HPCAL1: variants seen among roughly 807,000 people sequenced by gnomAD.
HPCAL1 encodes the protein hippocalcin like 1.
A neutral mutation model predicts 17.1 loss-of-function variants in HPCAL1; 8 were observed. The observed-to-expected ratio is 0.47, with a 90% CI of 0.27 to 0.84. The LOEUF (loss-of-function observed/expected upper bound fraction) is 0.84. Among genes scored for constraint, HPCAL1 ranks in the 40% least tolerant of loss-of-function variants. HPCAL1 has a pLI of 0.13. For missense variants in HPCAL1, 165 were observed against 271.1 expected, an observed-to-expected ratio of 0.61 and a Z score of 2.75; for synonymous variants, 112 against 111.4, an observed-to-expected ratio of 1.01 and a Z score of -0.03.
At chr2:10,424,506 G>A (rs1204758490) in intron 4 of HPCAL1, 2 of 471,006 alleles carry the variant, frequency 4.2e-6, no homozygotes, top group Admixed American at 2.3e-5. Flanking sequence ...AATAATGGCT[G>A]TTGTTCCCAA....
chr2:10,361,552 A>G lies in HPCAL1; in HGVS notation c.-110-35283A>G, dbSNP rs1456493084. 2.0e-5 allele frequency among the ~76,000 whole-genome samples: 3 copies of G among 152,196 alleles called. No homozygotes were observed. In the East Asian group the frequency reaches 5.8e-4, roughly 29 times the overall value. ...TAAACTGATTTCCTCAGCCATGTAC[A>G]CAGGTGTGAAAGCCCTTCTTATGTT... On this transcript the variant is annotated intron_variant, in intron 1 of 4. Transcript: ENST00000307845.
In HPCAL1 at chr2:10,336,155, G is replaced by A. The variant is rs550441524; in HGVS notation, c.-111+32978G>A. On this transcript the variant is annotated intron_variant, in intron 1 of 4. Coordinates refer to ENST00000307845, the MANE Select transcript of HPCAL1 (RefSeq NM_002149.4). ...ATCCTCTGCTGTAAATTAATTGCAT[G>A]TTCGTATCCTCTGCTGTAAATTAAT... 1.3e-4 allele frequency among the ~76,000 whole-genome samples: 19 copies of A among 149,044 alleles called. No homozygotes were observed. In the South Asian group the frequency reaches 3.5e-3, roughly 27 times the overall value.
At chr2:10,349,702 C>CAAAAAAAAAAAAAAAAAAAAAAAAA (rs55897775) in intron 1 of HPCAL1, among the ~76,000 whole-genome samples, 1 of 52,730 alleles carries the variant, frequency 1.9e-5, no homozygotes, top group Admixed American at 2.1e-4. Context: ...GACTCTGTCT[C>CAAAAAAAAAAAAAAAAAAAAAAAAA]AAAAAAAAAA....
At chr2:10,409,776 TC>T (rs1670215824) in intron 2 of HPCAL1, among the ~76,000 whole-genome samples, 5 of 96,676 alleles carry the variant, frequency 5.2e-5, no homozygotes, top group Admixed American at 1.3e-4. Flanking sequence ...TGAGCCTCAG[TC>T]TTTTTTTTTT....
chr2:10,366,062 G>C (rs117414115), intron 1 of HPCAL1, among the ~76,000 whole-genome samples: 1 of 152,046 alleles, frequency 6.6e-6, no homozygotes, highest in African/African-American at 2.4e-5. Context: ...ATATTTATTC[G>C]TGGTTGCCGC....
chr2:10,330,775 C>T lies in HPCAL1; in HGVS notation c.-111+27598C>T, dbSNP rs981447663. ...CCACATAGGGGTTTTGTGGGGGACA[C>T]ACTCAGTCCACGTTAACTCACTTCC... On this transcript the variant is annotated intron_variant, in intron 1 of 4. Coordinates refer to ENST00000307845, the MANE Select transcript of HPCAL1 (RefSeq NM_002149.4). This position sits in a 1 kb window ranked among gnomAD's most constrained non-coding sequence, Gnocchi z 4.2. Among the ~76,000 whole-genome samples, 2 of 152,218 alleles carry T rather than the reference C, an allele frequency of 1.3e-5. No homozygotes were observed. The highest frequency in any genetic ancestry group is 4.8e-5 in the African/African-American group (2 of 41,456).
At chr2:10,389,050 C>G (rs1299455541) in intron 1 of HPCAL1, among the ~76,000 whole-genome samples, 1 of 152,120 alleles carries the variant, frequency 6.6e-6, no homozygotes, top group Non-Finnish European at 1.5e-5. Context: ...GACACCAGAC[C>G]AAATTGAGGA....
intron 2 of HPCAL1, among the ~76,000 whole-genome samples, chr2:10,403,452 TTTTGTGTGTGTGTG>T (rs1289203433): frequency 0.059 from 8,473 of 144,342 alleles, 630 homozygotes; most frequent in African/African-American, 0.15. Context: ...CAAAGAGTTC[TTTTGTGTGTGTGTG>T]TGTGTGTGTG....
At position 10,367,757 on chromosome 2, in the gene HPCAL1, G is replaced by A. The variant is rs1437707689; in HGVS notation, c.-110-29078G>A. Among the ~76,000 whole-genome samples the A allele has an allele frequency of 6.6e-6, 1 of 152,118 alleles. No individual in the cohort carries two copies. Among genetic ancestry groups the A allele is most frequent in the Non-Finnish European group, 1.5e-5 (1 of 68,026 alleles). ...GTGTGAGCCCTGTGCTGGAGTGGAG[G>A]GTGACAGAGCTTCGGACATGAGCAG... is the stretch of plus-strand genomic sequence containing the variant. On this transcript the variant is annotated intron_variant, in intron 1 of 4. Transcript: ENST00000307845. The surrounding 1 kb of genome is among the most constrained non-coding windows in gnomAD (Gnocchi z 4.4).
intron 1 of HPCAL1, among the ~76,000 whole-genome samples, chr2:10,380,844 G>A (rs147623281): frequency 1.8e-4 from 27 of 152,312 alleles, no homozygotes; most frequent in African/African-American, 6.5e-4. Context: ...ATCACACTGC[G>A]GGTTCCTTGA....
intron 1 of HPCAL1, among the ~76,000 whole-genome samples, chr2:10,313,884 G>C (rs993156773): frequency 6.6e-6 from 1 of 152,218 alleles, no homozygotes. Flanking sequence ...TGTAATCCCA[G>C]CACTTTGGGA....
In HPCAL1 at chr2:10,304,465, G is replaced by A. The variant is rs1403812853; in HGVS notation, c.-111+1288G>A. 1.3e-5 allele frequency among the ~76,000 whole-genome samples: 2 copies of A among 152,048 alleles called. No homozygotes were observed. The highest frequency in any genetic ancestry group is 2.1e-4 in the South Asian group (1 of 4,820). Reference sequence around the variant, plus strand: ...GCCAGGGACGCCGAGTCCAGCTGCTGGCCTCGGCATTAGACAACCCCCAGC... The same window carrying A: ...GCCAGGGACGCCGAGTCCAGCTGCTAGCCTCGGCATTAGACAACCCCCAGC... On this transcript the variant is annotated intron_variant, in intron 1 of 4. Coordinates refer to ENST00000307845, the MANE Select transcript of HPCAL1 (RefSeq NM_002149.4). The surrounding 1 kb of genome is among the most constrained non-coding windows in gnomAD (Gnocchi z 4.1).
At chr2:10,322,015 T>A (rs2125403915) in intron 1 of HPCAL1, among the ~76,000 whole-genome samples, 1 of 152,302 alleles carries the variant, frequency 6.6e-6, no homozygotes, top group Non-Finnish European at 1.5e-5. Flanking sequence ...TTTTACTTTT[T>A]ATTTATTTTA....
At chr2:10,314,023 C>T (rs888086124) in intron 1 of HPCAL1, among the ~76,000 whole-genome samples, 10 of 151,204 alleles carry the variant, frequency 6.6e-5, no homozygotes, top group African/African-American at 1.7e-4. Context: ...CCCAGCTACT[C>T]GGGAGGCTGA....
At chr2:10,356,306 G>A (rs1312968022) in intron 1 of HPCAL1, among the ~76,000 whole-genome samples, 2 of 152,176 alleles carry the variant, frequency 1.3e-5, no homozygotes, top group African/African-American at 4.8e-5. Context: ...AAAGGTCACA[G>A]GACGCCTCTT....
chr2:10,411,683 C>T (rs1446716314), intron 2 of HPCAL1, among the ~76,000 whole-genome samples: 1 of 152,154 alleles, frequency 6.6e-6, no homozygotes, highest in African/African-American at 2.4e-5. Flanking sequence ...GCCTGGGATT[C>T]GGCACTCAGA....
intron 2 of HPCAL1, among the ~76,000 whole-genome samples, chr2:10,399,205 A>G (rs1295457725): frequency 7.5e-5 from 1 of 13,248 alleles, no homozygotes; most frequent in Non-Finnish European, 1.8e-4. Flanking sequence ...AAATAATATC[A>G]CTGCACCACC....
intron 1 of HPCAL1, among the ~76,000 whole-genome samples, chr2:10,309,618 A>T (rs1302762014): frequency 6.6e-6 from 1 of 152,148 alleles, no homozygotes. Context: ...TACCTAGTCC[A>T]CAACTGAACA....
At chr2:10,392,723 T>C (rs1668783276) in intron 1 of HPCAL1, among the ~76,000 whole-genome samples, 1 of 152,006 alleles carries the variant, frequency 6.6e-6, no homozygotes, top group African/African-American at 2.4e-5. Flanking sequence ...TGTTAGGAAA[T>C]AGGAAACAGT....
Sources: allele counts gnomAD v4.1 joint callset (sites outside exome capture counted in the v4.1 genomes callset), GRCh38; gene constraint gnomAD v4.1.1; non-coding constraint Gnocchi (gnomAD v3.1); transcripts MANE v1.5; gene names NCBI Gene and HGNC (gene_info 2026-07-23, HGNC 2026-07-21).